Variants in SEPTIN4 observed in about 807,000 individuals in gnomAD.
The protein encoded by SEPTIN4 is septin-4.
SEPTIN4 carries 52 observed loss-of-function variants against 107.1 expected under a neutral mutation model. That is an observed-to-expected ratio of 0.49 (90% confidence interval 0.39 to 0.61). SEPTIN4 has a LOEUF of 0.61. Among genes scored for constraint, SEPTIN4 ranks in the 20% least tolerant of loss-of-function variants. The probability of loss-of-function intolerance (pLI) is 0.00; values close to 1 mark genes in which losing one functional copy is unlikely to be tolerated. For synonymous variants in SEPTIN4, 417 were observed against 467.0 expected, an observed-to-expected ratio of 0.89 and a Z score of 1.38; for missense variants, 1,048 against 1,243.5, an observed-to-expected ratio of 0.84 and a Z score of 2.36.
rs768804467 is a variant in SEPTIN4 at position 58,542,640 on chromosome 17, GTAAACC to G, written c.1541_1546del (p.Arg514_Phe515del). On this transcript the variant is annotated inframe_deletion, in exon 1 of 14. Transcript: ENST00000672673. ...TCTTCACATACCCAGGAAGAAAGCA[GTAAACC>G]TTTGAATGGGTTGTTTGCAGGTGTG... is the stretch of plus-strand genomic sequence containing the variant. The G allele has an allele frequency of 1.2e-6, 2 of 1,612,056 alleles. No individual in the cohort carries two copies. The highest frequency in any genetic ancestry group is 4.5e-5 in the East Asian group (2 of 44,886).
At chr17:58,529,143 G>A in intron 3 of SEPTIN4, 2 of 1,614,228 alleles carry the variant, frequency 1.2e-6, no homozygotes, top group Non-Finnish European at 1.7e-6. Flanking sequence ...CTCAGGGACA[G>A]AATTCCCTTG....
At chr17:58,532,984 G>A (rs567057231) in intron 3 of SEPTIN4, among the ~76,000 whole-genome samples, 24 of 152,312 alleles carry the variant, frequency 1.6e-4, no homozygotes, top group Non-Finnish European at 3.1e-4. Flanking sequence ...TTCCTGACCC[G>A]CAAGACCCCT....
chr17:58,525,842 C>T lies in SEPTIN4; in HGVS notation c.2006-61G>A, dbSNP rs2042798095. 7 of 1,394,814 alleles carry T rather than the reference C, an allele frequency of 5.0e-6. No individual in the cohort carries two copies. The South Asian group carries it at 7.0e-5, about 14-fold the overall frequency. 86.4% of individuals were successfully genotyped at this position (1,394,814 alleles called of 1,614,324 possible). A position where few individuals can be genotyped will look rare whatever the true frequency, so the allele number is the denominator to read the frequency against. ...GGTAAGATCTATAGCCAAAAAGCAA[C>T]TCCACTGGATCAAGGTTTAGGGGGG... On this transcript the variant is annotated intron_variant, in intron 5 of 13. Coordinates refer to ENST00000672673, the MANE Select transcript of SEPTIN4 (RefSeq NM_001368771.2).
chr17:58,536,325 C>T (rs1270120204), intron 3 of SEPTIN4, among the ~76,000 whole-genome samples: 1 of 152,214 alleles, frequency 6.6e-6, no homozygotes, highest in East Asian at 1.9e-4. Flanking sequence ...AAATTATCAA[C>T]ATCAAACCAG....
chr17:58,527,712 G>A, intron 3 of SEPTIN4: 1 of 449,630 alleles, frequency 2.2e-6, no homozygotes, highest in Non-Finnish European at 2.9e-6. Context: ...GCAGCTGGGA[G>A]AGACCAGGTG....
intron 6 of SEPTIN4, 66 bp downstream of exon 6, chr17:58,525,629 C>T: frequency 6.9e-7 from 1 of 1,440,270 alleles, no homozygotes; most frequent in Non-Finnish European, 9.8e-7. Context: ...AGCCCCATCC[C>T]CCAGACTCTG....
chr17:58,530,437 C>G (rs1353455657), intron 3 of SEPTIN4: 1 of 152,268 alleles, frequency 6.6e-6, no homozygotes, highest in Non-Finnish European at 1.5e-5. Flanking sequence ...AGGACACTGA[C>G]CTCCTTTGAC....
intron 4 of SEPTIN4, 62 bp from the exon 5 acceptor site, chr17:58,526,375 G>A (rs993319746): frequency 1.5e-5 from 22 of 1,438,546 alleles, no homozygotes; most frequent in Non-Finnish European, 1.6e-5. Flanking sequence ...GGCACCCAGC[G>A]CCAATCTTCT....
chr17:58,536,129 A>C (rs1054203547), intron 3 of SEPTIN4, among the ~76,000 whole-genome samples: 3 of 152,264 alleles, frequency 2.0e-5, no homozygotes, highest in Admixed American at 2.0e-4. Flanking sequence ...TCTATACCAT[A>C]TAGTTGACTC....
intron 3 of SEPTIN4, chr17:58,529,219 T>A (rs746293502): frequency 5.0e-6 from 8 of 1,614,002 alleles, no homozygotes; most frequent in Non-Finnish European, 1.7e-6. Context: ...AGGTCTAATT[T>A]TATCTCCCAG....
At chr17:58,523,380 A>AAG (rs1261052353) in intron 7 of SEPTIN4, among the ~76,000 whole-genome samples, 11 of 151,766 alleles carry the variant, frequency 7.2e-5, no homozygotes, top group African/African-American at 2.7e-4. Context: ...AAAAAAAAAA[A>AAG]AAAAAGAAAG....
intron 3 of SEPTIN4, 175 bp from the exon 4 acceptor site, chr17:58,527,153 C>T (rs760265245): frequency 1.8e-6 from 2 of 1,090,578 alleles, no homozygotes; most frequent in East Asian, 2.4e-5. Flanking sequence ...ATCCCTCCCT[C>T]ACCTGCTCAC....
rs554947137 is a variant in SEPTIN4, at chr17:58,541,864, C to A, written c.1606+58G>T. The A allele has an allele frequency of 1.6e-4, 256 of 1,614,152 alleles. 2 individuals are homozygous for A. In the South Asian group the frequency reaches 2.5e-3, roughly 16 times the overall value. The stretch of plus-strand genomic sequence containing the variant: ...GTAGATACATAGATGCCACTCCTCA[C>A]CTGTCCTCCCATCCCCCAAGCTCCC... On this transcript the variant is annotated intron_variant, in intron 2 of 13. Transcript: ENST00000672673.
intron 4 of SEPTIN4, 57 bp downstream of exon 4, chr17:58,526,625 C>A: frequency 6.6e-7 from 1 of 1,520,222 alleles, no homozygotes; most frequent in Non-Finnish European, 8.8e-7. Flanking sequence ...CTGCTCCCTG[C>A]CCCCGGTCTT....
At position 58,542,708 on chromosome 17, in the gene SEPTIN4, A is replaced by G. The variant is rs779889097; in HGVS notation, c.1479T>C (p.Ser493=). 2 of 1,614,216 alleles carry G rather than the reference A, an allele frequency of 1.2e-6. No homozygotes were observed. Among genetic ancestry groups the G allele is most frequent in the Non-Finnish European group, 1.7e-6 (2 of 1,180,042 alleles). ...GTGGCACTTCACTCAGTGGTGCCCA[A>G]CTTGGAAACTCCTTTGGTGGTGATG... is the stretch of plus-strand genomic sequence containing the variant. ...SPPSPPKEFP[S]WAPLSEVPQT... is the part of the protein sequence containing the mutation. Residue 493 remains serine, a synonymous_variant, in exon 1 of 14, where the codon AGT becomes AGC. Transcript: ENST00000672673.
chr17:58,542,433 A>G (rs139003899), intron 1 of SEPTIN4, among the ~76,000 whole-genome samples, 193 bp downstream of exon 1: 1 of 152,248 alleles, frequency 6.6e-6, no homozygotes, highest in Non-Finnish European at 1.5e-5. Context: ...TCCATCATCA[A>G]TGTCATTAGC....
intron 3 of SEPTIN4, among the ~76,000 whole-genome samples, chr17:58,537,370 T>A (rs962120568): frequency 3.8e-4 from 58 of 152,144 alleles, no homozygotes; most frequent in African/African-American, 1.3e-3. Context: ...GATGAGTTGG[T>A]CAACTTACCC....
intron 3 of SEPTIN4, chr17:58,531,867 C>T (rs1049795858): frequency 4.7e-6 from 5 of 1,070,572 alleles, no homozygotes; most frequent in African/African-American, 3.4e-5. Context: ...GCCGCGGCTG[C>T]GGTGCCGCGG....
In SEPTIN4 at chr17:58,543,984, G is replaced by C; in HGVS notation, c.203C>G (p.Pro68Arg). The change falls in exon 1 of 14, where the codon CCT becomes CGT. Residue 68 changes from proline to arginine, a missense_variant. Physicochemically the swap from Pro to Arg is moderately radical, Grantham distance 103. Around this residue, in one of 2 missense-constraint regions of SEPTIN4, gnomAD observed 787 missense variants for 871.8 expected, o/e 0.90. Transcript: ENST00000672673. The stretch of plus-strand genomic sequence containing the variant: ...TCCTGACTGGAGGGAGACAGATCGA[G>C]GGTAGTCTGATGCTGAATGGGGAGT... Reference protein sequence around the residue: ...PTTPHSASDYPRSVSLQSGPG... With the variant: ...PTTPHSASDYRRSVSLQSGPG... The C allele has an allele frequency of 1.2e-6, 2 of 1,613,988 alleles. No individual in the cohort carries two copies. Among genetic ancestry groups the C allele is most frequent in the Non-Finnish European group, 1.7e-6 (2 of 1,179,902 alleles).
Sources: allele counts gnomAD v4.1 joint callset (sites outside exome capture counted in the v4.1 genomes callset), GRCh38; gene constraint gnomAD v4.1.1; regional missense constraint gnomAD v4.1.1; transcripts MANE v1.5; gene names NCBI Gene and HGNC (gene_info 2026-07-23, HGNC 2026-07-21).